Variants in PALM2AKAP2 observed in about 807,000 individuals in gnomAD.
PALM2AKAP2 encodes PALM2-AKAP2 fusion protein.
Under a neutral mutation model 71.5 loss-of-function variants are expected in PALM2AKAP2, and 37 were observed. The observed-to-expected ratio is 0.52, with a 90% CI of 0.40 to 0.68. PALM2AKAP2 has a LOEUF of 0.68. Among genes scored for constraint, PALM2AKAP2 ranks in the 30% least tolerant of loss-of-function variants. PALM2AKAP2 has a pLI of 0.00. For missense variants in PALM2AKAP2, 1,224 were observed against 1,191.8 expected, an observed-to-expected ratio of 1.03 and a Z score of -0.40; for synonymous variants, 468 against 478.8, an observed-to-expected ratio of 0.98 and a Z score of 0.29.
intron 1 of PALM2AKAP2, among the ~76,000 whole-genome samples, chr9:109,707,981 A>C (rs1828168571): frequency 6.6e-6 from 1 of 152,140 alleles, no homozygotes; most frequent in South Asian, 2.1e-4. Context: ...CTTTCCCATA[A>C]GATCTTCATG....
chr9:110,127,274 C>T (rs1835628739), intron 1 of PALM2AKAP2, among the ~76,000 whole-genome samples: 1 of 152,116 alleles, frequency 6.6e-6, no homozygotes, highest in Admixed American at 6.5e-5. Context: ...TAGTATCTGC[C>T]CCTTTTAAGG....
At chr9:109,982,152 A>G (rs537923262) in intron 6 of PALM2AKAP2, among the ~76,000 whole-genome samples, 1 of 152,378 alleles carries the variant, frequency 6.6e-6, no homozygotes. Flanking sequence ...TTGCAACAAT[A>G]TGGATGGAAC....
chr9:109,683,825 T>C (rs1827771514), intron 1 of PALM2AKAP2, among the ~76,000 whole-genome samples: 1 of 152,118 alleles, frequency 6.6e-6, no homozygotes. Flanking sequence ...TGGGGATCAT[T>C]ATTGGTTATG....
intron 1 of PALM2AKAP2, among the ~76,000 whole-genome samples, chr9:109,759,680 C>A (rs115806395): frequency 1.1e-3 from 169 of 152,246 alleles, no homozygotes; most frequent in African/African-American, 3.6e-3. Context: ...TGAAATATTT[C>A]TTGGTTTCTC....
At chr9:110,138,880 A>G (rs984838625) in intron 2 of PALM2AKAP2, among the ~76,000 whole-genome samples, 2 of 152,244 alleles carry the variant, frequency 1.3e-5, no homozygotes, top group Admixed American at 1.3e-4. Context: ...GCATAGAACC[A>G]GAGTGGACCC....
chr9:109,717,849 G>C (rs1322276), intron 1 of PALM2AKAP2, among the ~76,000 whole-genome samples: 139,671 of 152,240 alleles, frequency 0.92, 64,234 homozygotes, highest in African/African-American at 0.97. Context: ...AGAAACAAAT[G>C]CAGGTGCACT....
chr9:109,647,234 G>A (rs62581670), intron 1 of PALM2AKAP2, among the ~76,000 whole-genome samples: 50,552 of 151,898 alleles, frequency 0.33, 8,791 homozygotes, highest in African/African-American at 0.43. Context: ...TCTTATCAAT[G>A]TATGTCAGCC....
chr9:109,840,462 G>T (rs1270023987), intron 1 of PALM2AKAP2, among the ~76,000 whole-genome samples: 1 of 152,152 alleles, frequency 6.6e-6, no homozygotes, highest in Non-Finnish European at 1.5e-5. Context: ...CATGGGCAAG[G>T]ACTTCATGTC....
chr9:110,132,705 C>G (rs562155615), intron 1 of PALM2AKAP2, among the ~76,000 whole-genome samples: 2 of 151,974 alleles, frequency 1.3e-5, no homozygotes, highest in Non-Finnish European at 2.9e-5. Context: ...AACCTCCGCT[C>G]TCCAGGTTGA....
chr9:109,708,678 C>G (rs546181759), intron 1 of PALM2AKAP2, among the ~76,000 whole-genome samples: 4 of 152,280 alleles, frequency 2.6e-5, no homozygotes, highest in African/African-American at 9.6e-5. Flanking sequence ...TCCAGGCAAG[C>G]CTTTTTGCAC....
At chr9:109,746,985 C>T (rs1323021504) in intron 1 of PALM2AKAP2, among the ~76,000 whole-genome samples, 1 of 152,124 alleles carries the variant, frequency 6.6e-6, no homozygotes, top group Non-Finnish European at 1.5e-5. Context: ...AGAACAGGGA[C>T]ATGTCCAGTT....
intron 6 of PALM2AKAP2, among the ~76,000 whole-genome samples, chr9:110,011,014 A>AAAAAAAATATATATATAT (rs35212981): frequency 2.9e-5 from 2 of 69,584 alleles, no homozygotes; most frequent in African/African-American, 1.6e-4. Flanking sequence ...AAAAAAAAAA[A>AAAAAAAATATATATATAT]ATATATATAT....
intron 1 of PALM2AKAP2, among the ~76,000 whole-genome samples, chr9:109,765,995 C>T (rs1829145207): frequency 6.6e-6 from 1 of 152,162 alleles, no homozygotes; most frequent in African/African-American, 2.4e-5. Context: ...CACATGCCTG[C>T]CTTCTGGAAT....
At chr9:109,809,503 C>T (rs1013986224) in intron 1 of PALM2AKAP2, among the ~76,000 whole-genome samples, 2 of 152,186 alleles carry the variant, frequency 1.3e-5, no homozygotes, top group African/African-American at 4.8e-5. Flanking sequence ...GCCTGTACCC[C>T]CATTGTATCT....
chr9:109,745,528 GA>G (rs1828786717), intron 1 of PALM2AKAP2, among the ~76,000 whole-genome samples: 1 of 151,492 alleles, frequency 6.6e-6, no homozygotes. Flanking sequence ...GAATAGGCAT[GA>G]ATTTACCAGC....
At chr9:109,831,175 A>G (rs1297523387) in intron 1 of PALM2AKAP2, among the ~76,000 whole-genome samples, 1 of 106,428 alleles carries the variant, frequency 9.4e-6, no homozygotes, top group South Asian at 2.4e-4. Context: ...ACACACACAC[A>G]CACACACAAG....
At chr9:109,747,632 A>G (rs1828822131) in intron 1 of PALM2AKAP2, among the ~76,000 whole-genome samples, 1 of 152,182 alleles carries the variant, frequency 6.6e-6, no homozygotes, top group African/African-American at 2.4e-5. Context: ...ATCATGAAGT[A>G]AAGTTCTTCT....
intron 1 of PALM2AKAP2, among the ~76,000 whole-genome samples, chr9:110,109,107 C>T (rs1356900812): frequency 1.3e-5 from 2 of 151,976 alleles, no homozygotes; most frequent in Non-Finnish European, 2.9e-5. Flanking sequence ...CACCTGAGGT[C>T]AGGAGTTCGA....
intron 1 of PALM2AKAP2, among the ~76,000 whole-genome samples, chr9:109,736,719 C>G (rs1205283476): frequency 1.3e-5 from 2 of 152,056 alleles, no homozygotes; most frequent in East Asian, 3.8e-4. Flanking sequence ...GAACACTGTA[C>G]CTAATAACAG....
Sources: allele counts gnomAD v4.1 joint callset (sites outside exome capture counted in the v4.1 genomes callset), GRCh38; gene constraint gnomAD v4.1.1; transcripts MANE v1.5; gene names NCBI Gene and HGNC (gene_info 2026-07-23, HGNC 2026-07-21).